DGKH: variants seen among roughly 807,000 people sequenced by gnomAD.
DGKH encodes the protein DAG kinase eta.
DGKH carries 90 observed loss-of-function variants against 159.3 expected under a neutral mutation model. That is an observed-to-expected ratio of 0.57 (90% CI 0.48 to 0.67). DGKH has a LOEUF of 0.67. Ranked by LOEUF, DGKH falls within the 30% of genes least tolerant of loss-of-function variation. DGKH has a pLI of 0.00. For synonymous variants in DGKH, 536 were observed against 553.8 expected (o/e 0.97, Z 0.45); for missense variants, 1,181 against 1,506.1 (o/e 0.78, Z 3.57).
At chr13:42,123,823 A>T (rs144712284) in intron 1 of DGKH, among the ~76,000 whole-genome samples, 29 of 152,322 alleles carry the variant, frequency 1.9e-4, no homozygotes, top group African/African-American at 5.5e-4. Context: ...AATTAAAGTG[A>T]CTGACTGAAT....
chr13:42,199,688 A>G lies in DGKH; in HGVS notation c.2396+12A>G. On this transcript the variant is annotated intron_variant, in intron 19 of 29. Coordinates refer to ENST00000337343, the MANE Select transcript of DGKH (RefSeq NM_178009.5). The stretch of plus-strand genomic sequence containing the variant: ...CCTGAAAAATGCAGGTAATTTTAGT[A>G]AAAGTAATAATGCTATTACATAAAG... 1 of 1,578,566 alleles carries G rather than the reference A, an allele frequency of 6.3e-7. No homozygotes were observed.
In DGKH at chr13:42,048,920, G is replaced by A; in HGVS notation, c.147G>A (p.Gln49=). 3.7e-6 allele frequency: 5 copies of A among 1,337,196 alleles called. No homozygotes were observed. Among genetic ancestry groups the A allele is most frequent in the South Asian group, 2.5e-5 (1 of 40,290 alleles). The allele number at this position is 1,337,196 out of a possible 1,614,324, so 82.8% of individuals were successfully genotyped here. A position where few individuals can be genotyped will look rare whatever the true frequency, so the allele number is the denominator to read the frequency against. Residue 49 remains glutamine, a synonymous_variant, in exon 1 of 30, where the codon CAG becomes CAA. Transcript: ENST00000337343. The surrounding 1 kb of genome is among the most constrained non-coding windows in gnomAD (Gnocchi z 6.7). ...GCGAAGCGGAGCAAGAGGGACCCCA[G>A]AAACTGATCCGCAAAGTGTCTACCT... The part of the protein sequence containing the change: ...SDSEAEQEGP[Q]KLIRKVSTSG...
rs562285711 is a variant in DGKH at position 42,072,978 on chromosome 13, A to G, written c.192+24013A>G. On this transcript the variant is annotated intron_variant, in intron 1 of 29. Transcript: ENST00000337343. The stretch of plus-strand genomic sequence containing the variant: ...TCCATCTTCTAATATTAGAATATAA[A>G]CTCCATGGGGGCAGGGATATTTGTC... Among the ~76,000 whole-genome samples the G allele has an allele frequency of 1.3e-4, 20 of 151,986 alleles. No homozygotes were observed. The East Asian group carries it at 3.9e-3, about 29-fold the overall frequency.
intron 26 of DGKH, among the ~76,000 whole-genome samples, chr13:42,217,815 T>C (rs945129442): frequency 2.6e-5 from 4 of 152,140 alleles, no homozygotes; most frequent in African/African-American, 9.7e-5. Flanking sequence ...AGGCAGCTCA[T>C]TGTAGACCAG....
chr13:42,155,071 A>C (rs559276631), intron 3 of DGKH, among the ~76,000 whole-genome samples: 1 of 152,216 alleles, frequency 6.6e-6, no homozygotes, highest in Non-Finnish European at 1.5e-5. Context: ...AGCCTTAGAA[A>C]AAAGGGCTAA....
At chr13:42,088,007 C>T (rs1954341216) in intron 1 of DGKH, among the ~76,000 whole-genome samples, 1 of 151,922 alleles carries the variant, frequency 6.6e-6, no homozygotes, top group South Asian at 2.1e-4. Context: ...AGGAGAAAAT[C>T]CTAAAAGCAG....
chr13:42,214,479 T>C (rs1459997132), intron 24 of DGKH, 28 bp from the exon 25 acceptor site: 5 of 1,594,746 alleles, frequency 3.1e-6, no homozygotes, highest in Non-Finnish European at 3.4e-6. Context: ...AAAAGTTTTT[T>C]ATTCATTTGT....
downstream of DGKH, among the ~76,000 whole-genome samples, chr13:42,243,644 C>G (rs1958552539): frequency 6.6e-6 from 1 of 152,140 alleles, no homozygotes; most frequent in East Asian, 1.9e-4. Flanking sequence ...TCAGGGGCAC[C>G]TTCCTGGATA....
intron 1 of DGKH, among the ~76,000 whole-genome samples, chr13:42,076,244 A>C (rs1954096670): frequency 6.6e-6 from 1 of 152,242 alleles, no homozygotes; most frequent in Non-Finnish European, 1.5e-5. Flanking sequence ...CCTGTGTAAC[A>C]GACTGCTGTG....
At chr13:42,222,192 T>C (rs886646798) in intron 29 of DGKH, among the ~76,000 whole-genome samples, 1 of 152,228 alleles carries the variant, frequency 6.6e-6, no homozygotes, top group African/African-American at 2.4e-5. Context: ...TTGTATTTTC[T>C]TACCACATAT....
intron 29 of DGKH, among the ~76,000 whole-genome samples, chr13:42,227,898 G>C (rs74652884): frequency 6.6e-6 from 1 of 152,016 alleles, no homozygotes; most frequent in Non-Finnish European, 1.5e-5. Context: ...TATAAAACAG[G>C]GTGGATATTT....
In DGKH at chr13:42,127,873, C is replaced by T. The variant is rs559584581; in HGVS notation, c.303+300C>T. Among the ~76,000 whole-genome samples, 40 of 152,154 alleles carry T rather than the reference C, an allele frequency of 2.6e-4. No homozygotes were observed. The South Asian group carries it at 5.4e-3, about 21-fold the overall frequency. Reference sequence around the variant, plus strand: ...ATGTAACCTTATTAGATGTAATAAACGCAACATTCTGGGTTTCCACCTTTT... The same window carrying T: ...ATGTAACCTTATTAGATGTAATAAATGCAACATTCTGGGTTTCCACCTTTT... On this transcript the variant is annotated intron_variant, in intron 2 of 29. Transcript: ENST00000337343.
Position 42,194,950 on chromosome 13 carries a change from C to T in DGKH, c.2101C>T (p.Pro701Ser), listed in dbSNP as rs751326412. 1.2e-6 allele frequency: 2 copies of T among 1,613,920 alleles called. No homozygotes were observed. Among genetic ancestry groups the T allele is most frequent in the Admixed American group, 1.7e-5 (1 of 59,984 alleles). ...SYGHSQTDSV[P>S]GPAVAASKEN... is the part of the protein sequence containing the mutation. ...TGGCCATTCCCAAACTGATTCTGTC[C>T]CTGGTCCAGCTGTGGCAGCCAGCAA... The change falls in exon 17 of 30, where the codon CCT becomes TCT. Residue 701 changes from proline to serine, a missense_variant. Around this residue, in one of 5 missense-constraint regions of DGKH, gnomAD observed 257 missense variants for 281.5 expected, o/e 0.91. Transcript: ENST00000337343.
intron 30 of DGKH, among the ~76,000 whole-genome samples, chr13:42,252,723 G>A (rs555375746): frequency 1.2e-4 from 18 of 152,134 alleles, no homozygotes; most frequent in African/African-American, 3.1e-4. Context: ...CAACTGAGTC[G>A]GTTGGGGAAG....
At chr13:42,053,600 ATATATATAAC>A (rs1489167267) in intron 1 of DGKH, among the ~76,000 whole-genome samples, 1 of 97,346 alleles carries the variant, frequency 1.0e-5, no homozygotes, top group Non-Finnish European at 2.1e-5. Flanking sequence ...ATATATATGT[ATATATATAAC>A]TATATATGTA....
At chr13:42,174,693 G>C (rs146666890) in intron 12 of DGKH, among the ~76,000 whole-genome samples, 6 of 152,084 alleles carry the variant, frequency 3.9e-5, no homozygotes, top group African/African-American at 1.2e-4. Context: ...CTTGCTTTGC[G>C]TACTCTTTTC....
intron 1 of DGKH, among the ~76,000 whole-genome samples, chr13:42,058,993 G>A (rs761090054): frequency 6.6e-6 from 1 of 152,156 alleles, no homozygotes; most frequent in Non-Finnish European, 1.5e-5. Flanking sequence ...ATAGCAGTTA[G>A]CATACCCTGA....
chr13:42,149,861 A>G (rs559856459), intron 3 of DGKH, among the ~76,000 whole-genome samples: 6 of 152,152 alleles, frequency 3.9e-5, no homozygotes, highest in South Asian at 4.2e-4. Context: ...AAACCAGAAA[A>G]CTCTTATTTT....
chr13:42,102,212 C>T (rs1334120009), intron 1 of DGKH, among the ~76,000 whole-genome samples: 1 of 152,240 alleles, frequency 6.6e-6, no homozygotes, highest in Non-Finnish European at 1.5e-5. Context: ...TGTGGAGACA[C>T]TAAACCTACT....
Sources: allele counts gnomAD v4.1 joint callset (sites outside exome capture counted in the v4.1 genomes callset), GRCh38; gene constraint gnomAD v4.1.1; regional missense constraint gnomAD v4.1.1; non-coding constraint Gnocchi (gnomAD v3.1); transcripts MANE v1.5; gene names NCBI Gene and HGNC (gene_info 2026-07-23, HGNC 2026-07-21).